Variants in PCDHGB5 observed in about 807,000 individuals in gnomAD.
PCDHGB5 encodes the protein protocadherin gamma subfamily B, 5.
In PCDHGB5, 48 loss-of-function variants were observed where a neutral mutation model predicts 62.9. That is an observed-to-expected ratio of 0.76 (90% CI 0.61 to 0.97). The LOEUF (loss-of-function observed/expected upper bound fraction) is 0.97. PCDHGB5 is among the 50% of genes least tolerant of loss of function. The pLI is 0.00. For missense variants in PCDHGB5, 1,118 were observed against 1,198.6 expected (o/e 0.93, Z 0.99); for synonymous variants, 474 against 511.2 (o/e 0.93, Z 0.98).
intron 1 of PCDHGB5, among the ~76,000 whole-genome samples, chr5:141,473,069 A>G (rs552033483): frequency 3.9e-4 from 59 of 152,180 alleles, no homozygotes; most frequent in South Asian, 8.3e-4. Flanking sequence ...AAGTTACAGC[A>G]TCTTTGTTTA....
At chr5:141,408,286 C>G (rs751845459) in intron 1 of PCDHGB5, 81 of 1,613,074 alleles carry the variant, frequency 5.0e-5, no homozygotes, top group Non-Finnish European at 6.3e-5. Context: ...TCTACCCCAC[C>G]CTGAGTGAGC....
chr5:141,498,971 G>GGGAAGGAAGGAAGGAAGGAA (rs201769957), intron 2 of PCDHGB5, among the ~76,000 whole-genome samples: 36 of 111,052 alleles, frequency 3.2e-4, no homozygotes, highest in African/African-American at 9.0e-4. Context: ...GAGGGAGGGA[G>GGGAAGGAAGGAAGGAAGGAA]GGAAGGAAGG....
At chr5:141,439,202 A>AG (rs1348445707) in intron 1 of PCDHGB5, among the ~76,000 whole-genome samples, 2 of 151,954 alleles carry the variant, frequency 1.3e-5, no homozygotes, top group African/African-American at 4.8e-5. Context: ...AAAAAAAAAA[A>AG]AAATCCATAT....
Position 141,408,181 on chromosome 5 carries a change from C to G in PCDHGB5, c.2397+7657C>G, listed in dbSNP as rs1304952667. ...TTTCTCCAACTGGAAAAGCGGGGAC[C>G]CAGCGAGAACCCGAGCGAACGATGG... On this transcript the variant is annotated intron_variant, in intron 1 of 3. Coordinates refer to ENST00000617380, the MANE Select transcript of PCDHGB5 (RefSeq NM_018925.3). The G allele has an allele frequency of 1.6e-5, 24 of 1,536,932 alleles. No individual in the cohort carries two copies. In the East Asian group the frequency reaches 5.6e-4, roughly 36 times the overall value.
chr5:141,403,161 G>A (rs1435695987), intron 1 of PCDHGB5: 12 of 1,614,026 alleles, frequency 7.4e-6, no homozygotes, highest in Non-Finnish European at 1.0e-5. Context: ...GTCTCTAGAG[G>A]TAGGACGCAG....
intron 1 of PCDHGB5, among the ~76,000 whole-genome samples, chr5:141,460,251 A>G (rs2098984972): frequency 6.6e-6 from 1 of 152,114 alleles, no homozygotes; most frequent in Admixed American, 6.6e-5. Context: ...TAATTTTGAT[A>G]AAGCCCAATT....
chr5:141,401,512 A>G (rs556332375), intron 1 of PCDHGB5, among the ~76,000 whole-genome samples: 2 of 152,374 alleles, frequency 1.3e-5, no homozygotes, highest in South Asian at 4.1e-4. Context: ...CCACCTCTAT[A>G]TAATTACCAG....
At chr5:141,422,515 AGCCCGC>A in intron 1 of PCDHGB5, 1 of 1,614,044 alleles carries the variant, frequency 6.2e-7, no homozygotes, top group Non-Finnish European at 8.5e-7. Flanking sequence ...AGACCAGGGA[AGCCCGC>A]CTTTGTCTGC....
chr5:141,437,307 G>A (rs1172152732), intron 1 of PCDHGB5, among the ~76,000 whole-genome samples: 7 of 152,120 alleles, frequency 4.6e-5, no homozygotes, highest in South Asian at 2.1e-4. Context: ...AAGTTAAAGC[G>A]TTCAGCTATA....
Position 141,511,579 on chromosome 5 carries a change from G to T in PCDHGB5, c.*406G>T. The T allele has an allele frequency of 3.6e-6, 1 of 280,798 alleles. No individual in the cohort carries two copies. Among genetic ancestry groups the T allele is most frequent in the South Asian group, 4.1e-5 (1 of 24,614 alleles). 17.4% of individuals were successfully genotyped at this position (280,798 alleles called of 1,614,324 possible). On this transcript the variant is annotated 3_prime_UTR_variant, in exon 4 of 4. Transcript: ENST00000617380. Reference sequence around the variant, plus strand: ...CCTCTTTCCCGAGTAAGGTGGTTGGGGTGTTGAAGTACCAAGTAACCTACA... The same window carrying T: ...CCTCTTTCCCGAGTAAGGTGGTTGGTGTGTTGAAGTACCAAGTAACCTACA...
rs567061101 is a variant in PCDHGB5 at position 141,432,791 on chromosome 5, C to T, written c.2397+32267C>T. The T allele has an allele frequency of 2.7e-5, 44 of 1,614,064 alleles. No homozygotes were observed. Among genetic ancestry groups the T allele is most frequent in the Admixed American group, 8.3e-5 (5 of 60,034 alleles). On this transcript the variant is annotated intron_variant, in intron 1 of 3. Coordinates refer to ENST00000617380, the MANE Select transcript of PCDHGB5 (RefSeq NM_018925.3). The surrounding 1 kb of genome is among the most constrained non-coding windows in gnomAD (Gnocchi z 6.0). ...CCAAGTCCTGGCGGACCTCGGCAGC[C>T]TCGAGTCTCCAGCTAACTCTGAAAC... is the stretch of plus-strand genomic sequence containing the variant.
At chr5:141,479,619 T>C (rs1327758222) in intron 1 of PCDHGB5, 1 of 152,220 alleles carries the variant, frequency 6.6e-6, no homozygotes, top group Non-Finnish European at 1.5e-5. Flanking sequence ...AGGGAAACCA[T>C]GTCTCTTTAA....
chr5:141,462,983 T>C (rs530985795), intron 1 of PCDHGB5, among the ~76,000 whole-genome samples: 278 of 152,304 alleles, frequency 1.8e-3, no homozygotes, highest in Non-Finnish European at 3.4e-3. Flanking sequence ...AACTTTTGCC[T>C]TGGGCTAATT....
At chr5:141,497,703 C>T (rs995815060) in intron 2 of PCDHGB5, among the ~76,000 whole-genome samples, 16 of 152,134 alleles carry the variant, frequency 1.1e-4, no homozygotes, top group African/African-American at 3.9e-4. Context: ...CCACACCCAG[C>T]TCATTTTTGT....
chr5:141,457,111 G>A (rs922281700), intron 1 of PCDHGB5, among the ~76,000 whole-genome samples: 4 of 152,120 alleles, frequency 2.6e-5, no homozygotes, highest in South Asian at 2.1e-4. Flanking sequence ...AGCAAAATAC[G>A]ACAGCAATGG....
In PCDHGB5 at chr5:141,398,048, G is replaced by T; in HGVS notation, c.-80G>T. 1.3e-6 allele frequency: 2 copies of T among 1,506,604 alleles called. No individual in the cohort carries two copies. Among genetic ancestry groups the T allele is most frequent in the South Asian group, 1.3e-5 (1 of 76,462 alleles). 93.3% of individuals were successfully genotyped at this position (1,506,604 alleles called of 1,614,324 possible). ...GAACTGGAACTAAAGCCCGTTCGGA[G>T]ATCCAAAAATCTACAATACAGAGGT... On this transcript the variant is annotated 5_prime_UTR_variant, in exon 1 of 4. Transcript: ENST00000617380.
intron 1 of PCDHGB5, among the ~76,000 whole-genome samples, chr5:141,448,842 G>A (rs943887884): frequency 6.6e-6 from 1 of 152,182 alleles, no homozygotes; most frequent in Non-Finnish European, 1.5e-5. Context: ...CTACTCTGGA[G>A]GCTGAGGCAG....
chr5:141,474,721 A>T (rs942537231), intron 1 of PCDHGB5, among the ~76,000 whole-genome samples: 10 of 152,214 alleles, frequency 6.6e-5, no homozygotes, highest in African/African-American at 1.7e-4. Flanking sequence ...CTTCAAAAGG[A>T]CTCTATGCAA....
chr5:141,421,071 A>G (rs1197006989), intron 1 of PCDHGB5: 1 of 608,760 alleles, frequency 1.6e-6, no homozygotes, highest in East Asian at 2.9e-5. Flanking sequence ...GCGGAATGAG[A>G]TGGATACTCA....
Sources: gnomAD v4.1 joint callset for allele counts (sites outside exome capture counted in the v4.1 genomes callset) on GRCh38, gnomAD v4.1.1 for gene constraint, Gnocchi (gnomAD v3.1) non-coding constraint, MANE v1.5 for transcripts, NCBI Gene and HGNC (gene_info 2026-07-23, HGNC 2026-07-21) for gene names.